Variants in ZNF727 observed in about 807,000 individuals in gnomAD.
ZNF727 encodes putative zinc finger protein 727.
ZNF727 carries 11 observed loss-of-function variants against 11.5 expected under a neutral mutation model. The observed-to-expected ratio is 0.95, with a 90% CI of 0.60 to 1.58. The LOEUF is 1.58. Among genes scored for constraint, ZNF727 ranks in the 40% most tolerant of loss-of-function variants. ZNF727 has a pLI of 0.00. For missense variants in ZNF727, 533 were observed against 581.7 expected, an observed-to-expected ratio of 0.92 and a Z score of 0.86; for synonymous variants, 171 against 196.1, an observed-to-expected ratio of 0.87 and a Z score of 1.07.
intron 3 of ZNF727, among the ~76,000 whole-genome samples, chr7:64,073,624 T>C (rs1163351338): frequency 6.6e-6 from 1 of 152,124 alleles, no homozygotes; most frequent in Non-Finnish European, 1.5e-5. Context: ...TTTTTGAAAT[T>C]TGGAAACTTA....
intron 1 of ZNF727, among the ~76,000 whole-genome samples, chr7:64,050,075 A>G (rs760035748): frequency 6.6e-6 from 1 of 151,816 alleles, no homozygotes; most frequent in African/African-American, 2.4e-5. Context: ...ATTTTTCTAT[A>G]TATATATATT....
Position 64,084,620 on chromosome 7 carries a change from G to A in ZNF727, c.*6071G>A, listed in dbSNP as rs916740005. ...TTATTATGATGTTTGTAATGAAGAT[G>A]AGTATAATGGAGCTATATGTTTCTG... On this transcript the variant is annotated 3_prime_UTR_variant, in exon 4 of 4. Transcript: ENST00000456806. 6.6e-6 allele frequency among the ~76,000 whole-genome samples: 1 copy of A among 152,122 alleles called. No homozygotes were observed. Among genetic ancestry groups the A allele is most frequent in the Non-Finnish European group, 1.5e-5 (1 of 68,006 alleles).
At chr7:64,066,468 A>G (rs1450246572) in intron 1 of ZNF727, among the ~76,000 whole-genome samples, 1 of 132,978 alleles carries the variant, frequency 7.5e-6, no homozygotes. Context: ...AGACCAATGG[A>G]ACAGAACAGA....
chr7:64,081,159 G>A lies in ZNF727; in HGVS notation c.*2610G>A, dbSNP rs1321510642. On this transcript the variant is annotated 3_prime_UTR_variant, in exon 4 of 4. Transcript: ENST00000456806. ...CTTCAGTGGCAGGAGCAAAGCAGCT[G>A]GGAGGGGAGTGGGGGTTACCTGCTG... is the stretch of plus-strand genomic sequence containing the variant. Among the ~76,000 whole-genome samples the A allele has an allele frequency of 6.6e-6, 1 of 152,076 alleles. No individual in the cohort carries two copies. The highest frequency in any genetic ancestry group is 6.6e-5 in the Admixed American group (1 of 15,256).
chr7:64,063,656 C>G (rs1268016577), intron 1 of ZNF727, among the ~76,000 whole-genome samples: 1 of 152,080 alleles, frequency 6.6e-6, no homozygotes, highest in East Asian at 1.9e-4. Flanking sequence ...GAACCAAGTT[C>G]TCTTCAGTCA....
intron 3 of ZNF727, 149 bp downstream of exon 3, chr7:64,069,758 G>A: frequency 1.5e-6 from 1 of 681,008 alleles, no homozygotes; most frequent in African/African-American, 1.8e-5. Context: ...TTTAACATAG[G>A]GGAATTTTTT....
rs767209593 is a variant in ZNF727 at position 64,068,933 on chromosome 7, G to A, written c.46G>A (p.Glu16Lys). The A allele has an allele frequency of 7.2e-5, 116 of 1,605,480 alleles. 1 individual carries two copies. The South Asian group carries it at 7.9e-4, about 11-fold the overall frequency. The change falls in exon 2 of 4, where the codon GAA becomes AAA. Residue 16 changes from glutamate to lysine, a missense_variant. Coordinates refer to ENST00000456806, the MANE Select transcript of ZNF727 (RefSeq NM_001159522.3). ...GGATGTGGCTGTAGAATTCTCCCCA[G>A]AAGAGTGGGAATGCCTGGACTCTGC... ...FRDVAVEFSP[E>K]EWECLDSAQQ...
At chr7:64,064,284 T>A (rs1789828627) in intron 1 of ZNF727, among the ~76,000 whole-genome samples, 1 of 152,182 alleles carries the variant, frequency 6.6e-6, no homozygotes, top group Non-Finnish European at 1.5e-5. Flanking sequence ...TGGTTACTGC[T>A]GATGTTTATT....
At position 64,083,199 on chromosome 7, in the gene ZNF727, CT is replaced by C. The variant is rs1168217643; in HGVS notation, c.*4651del. 6.6e-6 allele frequency among the ~76,000 whole-genome samples: 1 copy of C among 152,188 alleles called. No individual in the cohort carries two copies. The highest frequency in any genetic ancestry group is 2.4e-5 in the African/African-American group (1 of 41,462). On this transcript the variant is annotated 3_prime_UTR_variant, in exon 4 of 4. Transcript: ENST00000456806. ...GTCTGGCCATGTCTTTTTAGAGCGC[CT>C]GTACTGTGCTAGGAGATCCTTTCTG...
chr7:64,050,372 C>G (rs1789574359), intron 1 of ZNF727, among the ~76,000 whole-genome samples: 1 of 152,030 alleles, frequency 6.6e-6, no homozygotes, highest in African/African-American at 2.4e-5. Context: ...CCAAAAAAAC[C>G]TGTTTACCCA....
chr7:64,046,647 G>A (rs1789512333), intron 1 of ZNF727, among the ~76,000 whole-genome samples: 2 of 152,312 alleles, frequency 1.3e-5, no homozygotes, highest in South Asian at 4.1e-4. Flanking sequence ...TATGCTTTCT[G>A]TACAGCCTGT....
Position 64,069,574 on chromosome 7 carries a change from A to G in ZNF727, c.191A>G (p.Asn64Ser), listed in dbSNP as rs753617512. 1.2e-5 allele frequency: 19 copies of G among 1,565,404 alleles called. No homozygotes were observed. Among genetic ancestry groups the G allele is most frequent in the Non-Finnish European group, 1.6e-5 (19 of 1,154,200 alleles). The stretch of plus-strand genomic sequence containing the variant: ...CTGGAGCAAAGAAAAGAGCCTTGGA[A>G]TGCGAGGAGACAGAAGACAGTAGCC... ...TYLEQRKEPW[N>S]ARRQKTVAKH... is the part of the protein sequence containing the mutation. The change falls in exon 3 of 4, where the codon AAT (asparagine) becomes AGT (serine). Residue 64 changes from asparagine to serine, a missense_variant. By Grantham distance (46) the Asn-to-Ser change is conservative. This residue lies in a region of ZNF727 where 463 missense variants were observed against 494.5 expected (regional missense o/e 0.94). Coordinates refer to ENST00000456806, the MANE Select transcript of ZNF727 (RefSeq NM_001159522.3).
chr7:64,047,085 C>A (rs1789520214), intron 1 of ZNF727, among the ~76,000 whole-genome samples: 1 of 151,904 alleles, frequency 6.6e-6, no homozygotes. Context: ...AGCCTAATTG[C>A]CAGCTATTTA....
Position 64,077,864 on chromosome 7 carries a change from C to G in ZNF727, c.815C>G (p.Thr272Ser). The G allele has an allele frequency of 6.4e-7, 1 of 1,570,784 alleles. No homozygotes were observed. Among genetic ancestry groups the G allele is most frequent in the Non-Finnish European group, 8.6e-7 (1 of 1,157,572 alleles). ...GCCTTTAGGTGTTGCTCAGACCTTA[C>G]TAAACATAAGAGAATTCATACTGGA... ...HKAFRCCSDL[T>S]KHKRIHTGEK... Residue 272 changes from threonine (T) to serine (S), a missense_variant, in exon 4 of 4, where the codon ACT becomes AGT. By Grantham distance (58) the Thr-to-Ser change is moderately conservative. Transcript: ENST00000456806.
Position 64,081,980 on chromosome 7 carries a change from T to G in ZNF727, c.*3431T>G, listed in dbSNP as rs551983626. On this transcript the variant is annotated 3_prime_UTR_variant, in exon 4 of 4. Coordinates refer to ENST00000456806, the MANE Select transcript of ZNF727 (RefSeq NM_001159522.3). ...CAGTCCGACCAGGATGGAGGATCTG[T>G]GCTTTTGGCCAAATTAGGGGTTCAC... Among the ~76,000 whole-genome samples, 1 of 152,142 alleles carries G rather than the reference T, an allele frequency of 6.6e-6. No homozygotes were observed. Among genetic ancestry groups the G allele is most frequent in the African/African-American group, 2.4e-5 (1 of 41,528 alleles).
rs909979126 is a variant in ZNF727, at chr7:64,079,933, G to A, written c.*1384G>A. On this transcript the variant is annotated 3_prime_UTR_variant, in exon 4 of 4. Transcript: ENST00000456806. ...CTTCTGAAGCTTACTTTGGCCGGAT[G>A]TGAACTTCTGGATTAGAATTCTTTT... 3.3e-5 allele frequency among the ~76,000 whole-genome samples: 5 copies of A among 152,210 alleles called. No individual in the cohort carries two copies. Among genetic ancestry groups the A allele is most frequent in the Admixed American group, 2.6e-4 (4 of 15,284 alleles).
At chr7:64,064,027 G>A (rs1789823791) in intron 1 of ZNF727, among the ~76,000 whole-genome samples, 1 of 152,138 alleles carries the variant, frequency 6.6e-6, no homozygotes, top group African/African-American at 2.4e-5. Flanking sequence ...TCAGGGCAGT[G>A]GGTTCTTCTC....
intron 1 of ZNF727, among the ~76,000 whole-genome samples, chr7:64,057,561 C>A (rs528294365): frequency 6.6e-6 from 1 of 151,880 alleles, no homozygotes; most frequent in Non-Finnish European, 1.5e-5. Flanking sequence ...TGTCAGGGGG[C>A]GGGGAGAGCA....
At chr7:64,053,622 A>G (rs1789637045) in intron 1 of ZNF727, among the ~76,000 whole-genome samples, 1 of 151,918 alleles carries the variant, frequency 6.6e-6, no homozygotes, top group Non-Finnish European at 1.5e-5. Context: ...CTGGGCTGAG[A>G]TCTGATAGTT....
Sources: gnomAD v4.1 joint callset for allele counts (sites outside exome capture counted in the v4.1 genomes callset) on GRCh38, gnomAD v4.1.1 for gene constraint, gnomAD v4.1.1 regional missense constraint, MANE v1.5 for transcripts, NCBI Gene and HGNC (gene_info 2026-07-23, HGNC 2026-07-21) for gene names.